The following CREB5 variants were observed in gnomAD, a reference collection of about 807,000 sequenced individuals.
The protein encoded by CREB5 is cAMP responsive element binding protein 5.
In CREB5, 19 loss-of-function variants were observed where a neutral mutation model predicts 57.1. The ratio of observed to expected loss-of-function variants is 0.33; its 90% CI spans 0.23 to 0.49. The LOEUF (loss-of-function observed/expected upper bound fraction) is 0.49. Among genes scored for constraint, CREB5 ranks in the 20% least tolerant of loss-of-function variants. The probability of loss-of-function intolerance (pLI) is 0.99; values close to 1 mark genes in which losing one functional copy is unlikely to be tolerated. For missense variants in CREB5, 579 were observed against 671.6 expected, an observed-to-expected ratio of 0.86 and a Z score of 1.52; for synonymous variants, 238 against 238.3, an observed-to-expected ratio of 1.00 and a Z score of 0.01.
chr7:28,439,878 C>T (rs997085161), intron 1 of CREB5, among the ~76,000 whole-genome samples: 1 of 152,150 alleles, frequency 6.6e-6, no homozygotes, highest in Non-Finnish European at 1.5e-5. Flanking sequence ...TACCATTCAG[C>T]CTTGTATGCC....
chr7:28,320,021 C>T (rs972129401), intron 1 of CREB5, among the ~76,000 whole-genome samples: 4 of 152,074 alleles, frequency 2.6e-5, no homozygotes, highest in African/African-American at 9.7e-5. Flanking sequence ...ACCTCTGCCT[C>T]CTGGGGTCAA....
chr7:28,654,429 A>T (rs556105582), intron 5 of CREB5, among the ~76,000 whole-genome samples: 1 of 152,340 alleles, frequency 6.6e-6, no homozygotes, highest in South Asian at 2.1e-4. Context: ...TCAATACATA[A>T]TGATGTATTA....
At chr7:28,463,475 G>T (rs1426427323) in intron 1 of CREB5, among the ~76,000 whole-genome samples, 1 of 152,168 alleles carries the variant, frequency 6.6e-6, no homozygotes, top group Non-Finnish European at 1.5e-5. Context: ...AGAAAGCCGG[G>T]ATTTTGTTTA....
At chr7:28,586,420 CA>C (rs886527338) in intron 5 of CREB5, among the ~76,000 whole-genome samples, 1 of 152,160 alleles carries the variant, frequency 6.6e-6, no homozygotes, top group Admixed American at 6.5e-5. Flanking sequence ...AGAAACTTCC[CA>C]CAGTTCTACC....
intron 7 of CREB5, among the ~76,000 whole-genome samples, chr7:28,800,582 G>A (rs552963680): frequency 3.3e-5 from 5 of 152,212 alleles, no homozygotes; most frequent in Non-Finnish European, 7.3e-5. Context: ...TAGGGGAAAT[G>A]TAAGTGTCAG....
At chr7:28,479,524 T>C (rs1791234573) in intron 1 of CREB5, among the ~76,000 whole-genome samples, 1 of 152,200 alleles carries the variant, frequency 6.6e-6, no homozygotes, top group South Asian at 2.1e-4. Context: ...TAACATGGCC[T>C]TTAAGTGACC....
At chr7:28,659,300 CT>C (rs1799496719) in intron 5 of CREB5, among the ~76,000 whole-genome samples, 1 of 152,052 alleles carries the variant, frequency 6.6e-6, no homozygotes, top group Admixed American at 6.6e-5. Flanking sequence ...GAGTGAAATA[CT>C]TTTTAGGATG....
intron 1 of CREB5, among the ~76,000 whole-genome samples, chr7:28,401,686 G>C (rs1156778188): frequency 6.6e-6 from 1 of 152,162 alleles, no homozygotes; most frequent in Non-Finnish European, 1.5e-5. Flanking sequence ...CCTTGCGATA[G>C]TTTGCTGAGA....
At chr7:28,470,604 G>C (rs542247918) in intron 1 of CREB5, among the ~76,000 whole-genome samples, 5 of 152,170 alleles carry the variant, frequency 3.3e-5, no homozygotes, top group Admixed American at 1.3e-4. Context: ...CAGTAGGATT[G>C]CTGGGTCATA....
At chr7:28,731,215 G>C (rs1446589522) in intron 7 of CREB5, among the ~76,000 whole-genome samples, 17 of 152,118 alleles carry the variant, frequency 1.1e-4, no homozygotes, top group Admixed American at 1.1e-3. Context: ...TTGCCACTTT[G>C]CCCATTTAAA....
intron 5 of CREB5, among the ~76,000 whole-genome samples, chr7:28,716,210 C>A (rs946503746): frequency 2.6e-5 from 4 of 151,934 alleles, no homozygotes; most frequent in Non-Finnish European, 5.9e-5. Flanking sequence ...TCCCTGATTT[C>A]TTTTTGAAAA....
At chr7:28,668,100 C>T (rs1028281083) in intron 5 of CREB5, among the ~76,000 whole-genome samples, 12 of 152,132 alleles carry the variant, frequency 7.9e-5, no homozygotes, top group African/African-American at 2.7e-4. Flanking sequence ...GGTTGTACCA[C>T]GTTTAAGTCT....
At chr7:28,520,167 G>C (rs177592) in intron 4 of CREB5, among the ~76,000 whole-genome samples, 17,300 of 152,234 alleles carry the variant, frequency 0.11, 1,053 homozygotes, top group African/African-American at 0.15. Context: ...GGCTAAGTAG[G>C]TACTACTTCA....
At chr7:28,819,050 C>T (rs1809606779) in intron 10 of CREB5, 66 bp from the exon 11 acceptor site, 1 of 1,514,800 alleles carries the variant, frequency 6.6e-7, no homozygotes, top group Admixed American at 2.1e-5. Flanking sequence ...GTCCACAAGT[C>T]CATACAAAAA....
In CREB5 at chr7:28,672,532, G is replaced by A. The variant is rs748018607; in HGVS notation, c.465-46221G>A. Among the ~76,000 whole-genome samples, 5 of 152,270 alleles carry A rather than the reference G, an allele frequency of 3.3e-5. No individual in the cohort carries two copies. The South Asian group carries it at 1.0e-3, about 32-fold the overall frequency. ...AATAACGTACTATAAAATAGGCTCTGATAAACTCTGATTGACAGAGACTGG... is the reference window on the plus strand; with the variant it reads ...AATAACGTACTATAAAATAGGCTCTAATAAACTCTGATTGACAGAGACTGG... On this transcript the variant is annotated intron_variant, in intron 5 of 10. Coordinates refer to ENST00000357727, the MANE Select transcript of CREB5 (RefSeq NM_182898.4).
At chr7:28,588,408 C>T (rs763326312) in intron 5 of CREB5, among the ~76,000 whole-genome samples, 15 of 152,094 alleles carry the variant, frequency 9.9e-5, no homozygotes, top group African/African-American at 1.4e-4. Context: ...ATCTCCTAAA[C>T]GCCCAGCATG....
At chr7:28,758,873 T>C (rs1408436391) in intron 7 of CREB5, among the ~76,000 whole-genome samples, 1 of 149,840 alleles carries the variant, frequency 6.7e-6, no homozygotes, top group Non-Finnish European at 1.5e-5. Context: ...TAATTAGTTT[T>C]GTTAGTTGAC....
intron 1 of CREB5, among the ~76,000 whole-genome samples, chr7:28,456,310 G>A (rs532646446): frequency 2.6e-5 from 4 of 152,256 alleles, no homozygotes; most frequent in East Asian, 1.9e-4. Flanking sequence ...TGAGATTATC[G>A]AATTTCACTG....
rs111649186 is a variant in CREB5, at chr7:28,375,597, A to C, written c.-25+76156A>C. Among the ~76,000 whole-genome samples, 485 of 150,152 alleles carry C rather than the reference A, an allele frequency of 3.2e-3. 5 individuals are homozygous for C. The highest frequency in any genetic ancestry group is 0.012 in the African/African-American group (458 of 39,452). On this transcript the variant is annotated intron_variant, in intron 1 of 9. Transcript: ENST00000396299. ...ATGTGATTATAAATAAATAAAAAGA[A>C]AAAAGGAAAAAAAAACAGATTTCTT...
Sources: gnomAD v4.1 joint callset for allele counts (sites outside exome capture counted in the v4.1 genomes callset) on GRCh38, gnomAD v4.1.1 for gene constraint, MANE v1.5 for transcripts, NCBI Gene and HGNC (gene_info 2026-07-23, HGNC 2026-07-21) for gene names.